The following KCTD16 variants were observed in gnomAD, a reference collection of about 807,000 sequenced individuals.
KCTD16 encodes potassium channel tetramerization domain containing 16.
KCTD16 carries 13 observed loss-of-function variants against 33.2 expected under a neutral mutation model. That is an observed-to-expected ratio of 0.39 (90% confidence interval 0.25 to 0.62). The LOEUF is 0.62. Among genes scored for constraint, KCTD16 ranks in the 20% least tolerant of loss-of-function variants. KCTD16 has a pLI of 0.50. For missense variants in KCTD16, 441 were observed against 525.1 expected, an observed-to-expected ratio of 0.84 and a Z score of 1.57; for synonymous variants, 197 against 195.3, an observed-to-expected ratio of 1.01 and a Z score of -0.07.
In KCTD16 at chr5:144,484,002, C is replaced by G. The variant is rs916179361; in HGVS notation, c.*9888C>G. On this transcript the variant is annotated 3_prime_UTR_variant, in exon 4 of 4. Coordinates refer to ENST00000512467, the MANE Select transcript of KCTD16 (RefSeq NM_020768.4). The stretch of plus-strand genomic sequence containing the variant: ...TTGTTTTTTCCCCAAAATTTTGGAG[C>G]AGAGGGGACGTTTTACATCATCCTA... 2.0e-5 allele frequency: 3 copies of G among 151,888 alleles called. No individual in the cohort carries two copies. Among genetic ancestry groups the G allele is most frequent in the Non-Finnish European group, 2.9e-5 (2 of 67,904 alleles). 9.4% of individuals were successfully genotyped at this position (151,888 alleles called of 1,614,324 possible).
At chr5:144,381,994 G>A (rs1183724053) in intron 3 of KCTD16, among the ~76,000 whole-genome samples, 1 of 141,684 alleles carries the variant, frequency 7.1e-6, no homozygotes, top group Non-Finnish European at 1.5e-5. Flanking sequence ...ATCAACAGTG[G>A]ACTGGATGAA....
At chr5:144,365,011 G>A (rs1180616837) in intron 3 of KCTD16, among the ~76,000 whole-genome samples, 1 of 129,632 alleles carries the variant, frequency 7.7e-6, no homozygotes, top group African/African-American at 3.3e-5. Context: ...ATACAGAGCA[G>A]AGCAAATCCT....
intron 3 of KCTD16, among the ~76,000 whole-genome samples, chr5:144,420,935 C>G (rs1331882106): frequency 6.6e-6 from 1 of 152,118 alleles, no homozygotes; most frequent in Non-Finnish European, 1.5e-5. Context: ...ATCTCAAAGC[C>G]AATAGAAGGA....
rs1754549418 is a variant in KCTD16 at position 144,474,374 on chromosome 5, A to G, written c.*260A>G. 8.4e-6 allele frequency: 3 copies of G among 355,376 alleles called. No homozygotes were observed. Among genetic ancestry groups the G allele is most frequent in the Admixed American group, 4.6e-5 (1 of 21,920 alleles). 22.0% of individuals were successfully genotyped at this position (355,376 alleles called of 1,614,324 possible). ...GTTTACTTCGTCCCATGTGCTAACT[A>G]TCTTATATATAATGAGAGCCAGCTA... On this transcript the variant is annotated 3_prime_UTR_variant, in exon 4 of 4. Coordinates refer to ENST00000512467, the MANE Select transcript of KCTD16 (RefSeq NM_020768.4).
intron 3 of KCTD16, among the ~76,000 whole-genome samples, chr5:144,266,388 G>T (rs948177166): frequency 1.3e-5 from 2 of 152,150 alleles, no homozygotes; most frequent in Admixed American, 6.5e-5. Context: ...AGAGAGCCTA[G>T]AATATTTGAA....
At chr5:144,319,041 A>G (rs865864306) in intron 3 of KCTD16, among the ~76,000 whole-genome samples, 3 of 152,154 alleles carry the variant, frequency 2.0e-5, no homozygotes, top group Admixed American at 2.0e-4. Flanking sequence ...TAACTAATGC[A>G]TGAGAAGTAC....
In KCTD16 at chr5:144,474,189, A is replaced by T; in HGVS notation, c.*75A>T. 8.3e-7 allele frequency: 1 copy of T among 1,198,112 alleles called. No homozygotes were observed. Among genetic ancestry groups the T allele is most frequent in the South Asian group, 1.5e-5 (1 of 65,310 alleles). 74.2% of individuals were successfully genotyped at this position (1,198,112 alleles called of 1,614,324 possible). On this transcript the variant is annotated 3_prime_UTR_variant, in exon 4 of 4. Transcript: ENST00000512467. ...CCTCCTAAAAGGAATTCATATTTTA[A>T]AGGAAAAAAATACAACTAATGATGC...
chr5:144,410,974 T>C (rs76778464), intron 3 of KCTD16, among the ~76,000 whole-genome samples: 14,226 of 152,136 alleles, frequency 0.094, 979 homozygotes, highest in Non-Finnish European at 0.14. Context: ...TATTAAGATA[T>C]AGTGTTTTTA....
intron 3 of KCTD16, among the ~76,000 whole-genome samples, chr5:144,345,099 G>A (rs182100739): frequency 6.6e-6 from 1 of 151,152 alleles, no homozygotes; most frequent in Non-Finnish European, 1.5e-5. Context: ...GTAAACTATT[G>A]CAAGGACAAA....
rs149492992 is a variant in KCTD16, at chr5:144,418,779, T to C, written c.833-54881T>C. 4.5e-4 allele frequency among the ~76,000 whole-genome samples: 69 copies of C among 152,356 alleles called. 1 individual carries two copies. In the East Asian group the frequency reaches 0.012, roughly 27 times the overall value. ...TATTGAAAATATTTTCATTTTCTAA[T>C]AGACTGTCTATGTGCCAGACCATGC... On this transcript the variant is annotated intron_variant, in intron 3 of 3. Transcript: ENST00000512467.
intron 3 of KCTD16, among the ~76,000 whole-genome samples, chr5:144,324,523 C>A (rs1752153057): frequency 6.6e-6 from 1 of 152,080 alleles, no homozygotes; most frequent in African/African-American, 2.4e-5. Flanking sequence ...TGTGGCATAC[C>A]TCAAAGACCT....
At chr5:144,468,586 C>CA (rs1754400673) in intron 3 of KCTD16, among the ~76,000 whole-genome samples, 1 of 152,210 alleles carries the variant, frequency 6.6e-6, no homozygotes, top group Non-Finnish European at 1.5e-5. Flanking sequence ...CTCCACTATG[C>CA]AATATCGTTT....
At chr5:144,221,887 T>A (rs536005105) in intron 3 of KCTD16, among the ~76,000 whole-genome samples, 39 of 152,334 alleles carry the variant, frequency 2.6e-4, no homozygotes, top group South Asian at 8.3e-4. Flanking sequence ...CCATCAACAG[T>A]GTAAAAGTGT....
chr5:144,408,192 C>T (rs571974568), intron 3 of KCTD16, among the ~76,000 whole-genome samples: 1 of 152,310 alleles, frequency 6.6e-6, no homozygotes, highest in Admixed American at 6.5e-5. Context: ...CAATTACTTT[C>T]TAATTGTTGC....
At position 144,407,660 on chromosome 5, in the gene KCTD16, T is replaced by C. The variant is rs368247427; in HGVS notation, c.833-66000T>C. ...TTTCATCTAGGTTTTAAGCCCCACA[T>C]GCATTAAGTATTTCCTAATGCTTTC... On this transcript the variant is annotated intron_variant, in intron 3 of 3. Transcript: ENST00000512467. Among the ~76,000 whole-genome samples the C allele has an allele frequency of 4.7e-4, 71 of 152,254 alleles. No individual in the cohort carries two copies. The South Asian group carries it at 8.7e-3, about 19-fold the overall frequency.
chr5:144,365,451 G>A (rs189704661), intron 3 of KCTD16, among the ~76,000 whole-genome samples: 3 of 152,002 alleles, frequency 2.0e-5, no homozygotes, highest in Admixed American at 1.3e-4. Flanking sequence ...AGAGAGAGAC[G>A]GTTGTAAACT....
chr5:144,232,772 T>C (rs1161985680), intron 3 of KCTD16, among the ~76,000 whole-genome samples: 2 of 152,194 alleles, frequency 1.3e-5, no homozygotes, highest in Non-Finnish European at 2.9e-5. Flanking sequence ...TTAACTTGAA[T>C]AAAACATTTT....
At chr5:144,207,954 G>A (rs1753239828) in intron 3 of KCTD16, among the ~76,000 whole-genome samples, 1 of 152,186 alleles carries the variant, frequency 6.6e-6, no homozygotes, top group South Asian at 2.1e-4. Flanking sequence ...GGACTTTGAG[G>A]TCTATTAAGC....
At chr5:144,372,222 T>C (rs1751984368) in intron 3 of KCTD16, among the ~76,000 whole-genome samples, 1 of 151,860 alleles carries the variant, frequency 6.6e-6, no homozygotes, top group Non-Finnish European at 1.5e-5. Context: ...TTTTTTTGTC[T>C]ACAAATGTGA....
Sources: allele counts gnomAD v4.1 joint callset (sites outside exome capture counted in the v4.1 genomes callset), GRCh38; gene constraint gnomAD v4.1.1; transcripts MANE v1.5; gene names NCBI Gene and HGNC (gene_info 2026-07-23, HGNC 2026-07-21).